The following ZNF804B variants were observed in gnomAD, a reference collection of about 807,000 sequenced individuals.
ZNF804B encodes zinc finger protein 804B.
ZNF804B carries 80 observed loss-of-function variants against 101.4 expected under a neutral mutation model. The ratio of observed to expected loss-of-function variants is 0.79; its 90% confidence interval spans 0.66 to 0.95. The LOEUF (loss-of-function observed/expected upper bound fraction) is 0.95, where lower values mean the gene tolerates loss of function less well. Among genes scored for constraint, ZNF804B ranks in the 40% least tolerant of loss-of-function variants. ZNF804B has a pLI of 0.00. For missense variants in ZNF804B, 1,673 were observed against 1,561.9 expected, an observed-to-expected ratio of 1.07 and a Z score of -1.20; for synonymous variants, 622 against 558.8, an observed-to-expected ratio of 1.11 and a Z score of -1.59.
At chr7:88,889,978 C>A (rs572276030) in intron 1 of ZNF804B, among the ~76,000 whole-genome samples, 1 of 152,228 alleles carries the variant, frequency 6.6e-6, no homozygotes, top group African/African-American at 2.4e-5. Context: ...GGTCTAGTTT[C>A]ATTCTTCTAC....
chr7:89,184,018 A>T (rs1788339235), intron 1 of ZNF804B, among the ~76,000 whole-genome samples: 1 of 152,182 alleles, frequency 6.6e-6, no homozygotes, highest in East Asian at 1.9e-4. Context: ...GCTCTCTAAC[A>T]TGCAAAGGCT....
At chr7:89,286,014 G>T (rs1431361471) in intron 2 of ZNF804B, among the ~76,000 whole-genome samples, 2 of 152,068 alleles carry the variant, frequency 1.3e-5, no homozygotes, top group African/African-American at 2.4e-5. Flanking sequence ...TTTCTGGATT[G>T]GTTCAATCAG....
chr7:88,889,028 T>A (rs1266212819), intron 1 of ZNF804B, among the ~76,000 whole-genome samples: 1 of 152,184 alleles, frequency 6.6e-6, no homozygotes, highest in African/African-American at 2.4e-5. Context: ...CACTTATTAG[T>A]GAGAATGTGT....
At chr7:88,987,100 A>G (rs1793769294) in intron 1 of ZNF804B, among the ~76,000 whole-genome samples, 1 of 152,002 alleles carries the variant, frequency 6.6e-6, no homozygotes, top group East Asian at 1.9e-4. Context: ...TCCCTCAACT[A>G]CTTGATTATT....
intron 1 of ZNF804B, among the ~76,000 whole-genome samples, chr7:89,164,759 G>C (rs1791116280): frequency 6.6e-6 from 1 of 151,964 alleles, no homozygotes; most frequent in Non-Finnish European, 1.5e-5. Flanking sequence ...GGATGTATTA[G>C]ATACACAGCA....
In ZNF804B at chr7:89,189,070, G is replaced by T. The variant is rs957818710; in HGVS notation, c.109-29085G>T. ...CTAAAGAGAAGAATTCCTAACAGGG[G>T]ATAATGTGGCTGGTGACTTTAAGTT... On this transcript the variant is annotated intron_variant, in intron 1 of 3. Coordinates refer to ENST00000333190, the MANE Select transcript of ZNF804B (RefSeq NM_181646.5). 2.0e-5 allele frequency among the ~76,000 whole-genome samples: 3 copies of T among 152,092 alleles called. No individual in the cohort carries two copies. The East Asian group carries it at 5.8e-4, about 29-fold the overall frequency.
intron 2 of ZNF804B, among the ~76,000 whole-genome samples, chr7:89,221,666 T>TAGA (rs1789005169): frequency 6.6e-6 from 1 of 151,524 alleles, no homozygotes; most frequent in Non-Finnish European, 1.5e-5. Context: ...CTATCTAACA[T>TAGA]GTTGATAAAC....
chr7:88,946,465 C>A (rs1562840478), intron 1 of ZNF804B, among the ~76,000 whole-genome samples: 1 of 151,542 alleles, frequency 6.6e-6, no homozygotes, highest in East Asian at 1.9e-4. Context: ...GGTGGATAAG[C>A]TTTTTGATGT....
At chr7:88,868,280 G>T (rs1329785756) in intron 1 of ZNF804B, among the ~76,000 whole-genome samples, 1 of 151,936 alleles carries the variant, frequency 6.6e-6, no homozygotes, top group Non-Finnish European at 1.5e-5. Context: ...ACCTTCTCCA[G>T]TCCTCCTTGC....
intron 1 of ZNF804B, among the ~76,000 whole-genome samples, chr7:89,131,117 G>A (rs993080070): frequency 1.3e-5 from 2 of 151,978 alleles, no homozygotes; most frequent in Non-Finnish European, 2.9e-5. Context: ...GGAAGTTCAT[G>A]TATCTGAGAT....
At chr7:89,023,735 A>G (rs1019341018) in intron 1 of ZNF804B, among the ~76,000 whole-genome samples, 1 of 152,164 alleles carries the variant, frequency 6.6e-6, no homozygotes, top group Non-Finnish European at 1.5e-5. Flanking sequence ...AATGTTCTTT[A>G]CAATGCTTTT....
intron 1 of ZNF804B, among the ~76,000 whole-genome samples, chr7:89,183,424 C>G (rs770843139): frequency 6.6e-6 from 1 of 151,934 alleles, no homozygotes; most frequent in African/African-American, 2.4e-5. Context: ...AAGAAGTAAT[C>G]GAATTTGGTC....
At chr7:89,064,818 G>A (rs1789432963) in intron 1 of ZNF804B, among the ~76,000 whole-genome samples, 1 of 152,082 alleles carries the variant, frequency 6.6e-6, no homozygotes, top group Non-Finnish European at 1.5e-5. Flanking sequence ...CATCATAAGT[G>A]CCAGAAGCAG....
At chr7:88,854,423 C>CTTTT (rs1293071869) in intron 1 of ZNF804B, among the ~76,000 whole-genome samples, 4 of 99,878 alleles carry the variant, frequency 4.0e-5, no homozygotes, top group Non-Finnish European at 4.3e-5. Flanking sequence ...TCCTTTCTTT[C>CTTTT]TTTCTTTCTT....
chr7:89,274,851 CTG>C (rs1055223048), intron 2 of ZNF804B, among the ~76,000 whole-genome samples: 1 of 151,882 alleles, frequency 6.6e-6, no homozygotes, highest in Admixed American at 6.6e-5. Context: ...TTCAGTCTCA[CTG>C]TGGATTCCTT....
intron 1 of ZNF804B, among the ~76,000 whole-genome samples, chr7:88,840,960 A>T (rs71572431): frequency 0.01 from 1,549 of 152,320 alleles, 12 homozygotes; most frequent in Middle Eastern, 0.02. Context: ...CTGCTAGGGA[A>T]TATAATATTT....
At chr7:88,974,033 A>G (rs12704413) in intron 1 of ZNF804B, among the ~76,000 whole-genome samples, 20,669 of 151,232 alleles carry the variant, frequency 0.14, 1,818 homozygotes, top group East Asian at 0.29. Context: ...TTCAGTGTCT[A>G]ATTTCTGACA....
intron 1 of ZNF804B, among the ~76,000 whole-genome samples, chr7:88,870,078 T>C (rs1156370724): frequency 1.3e-5 from 2 of 152,112 alleles, no homozygotes; most frequent in Non-Finnish European, 2.9e-5. Context: ...TGCTGCCAAC[T>C]GTCACCATTA....
At position 88,760,098 on chromosome 7, in the gene ZNF804B, G is replaced by A. The variant is rs1427525608; in HGVS notation, c.108+14G>A. On this transcript the variant is annotated intron_variant, in intron 1 of 3. Transcript: ENST00000333190. ...TCTCCCTCTCCGGTAATGTGCGCGC[G>A]CACACACATACATACACAAACGTTC... The A allele has an allele frequency of 5.6e-6, 9 of 1,599,378 alleles. No homozygotes were observed. Among genetic ancestry groups the A allele is most frequent in the Admixed American group, 1.7e-5 (1 of 59,990 alleles).
Sources: gnomAD v4.1 joint callset for allele counts (sites outside exome capture counted in the v4.1 genomes callset) on GRCh38, gnomAD v4.1.1 for gene constraint, MANE v1.5 for transcripts, NCBI Gene and HGNC (gene_info 2026-07-23, HGNC 2026-07-21) for gene names.